CTNNA2: variants seen among roughly 807,000 people sequenced by gnomAD.
CTNNA2 encodes the protein catenin alpha-2.
A neutral mutation model predicts 101.0 loss-of-function variants in CTNNA2; 42 were observed. The ratio of observed to expected loss-of-function variants is 0.42; its 90% CI spans 0.32 to 0.54. The LOEUF (loss-of-function observed/expected upper bound fraction) is 0.54. CTNNA2 is among the 20% of genes least tolerant of loss of function. The pLI is 0.14. For missense variants in CTNNA2, 871 were observed against 1,223.1 expected (o/e 0.71, Z 4.29); for synonymous variants, 450 against 456.4 (o/e 0.99, Z 0.18).
chr2:80,043,040 C>CCTCTTTCTTTCTTTCTTTCT (rs1491166122), intron 7 of CTNNA2, among the ~76,000 whole-genome samples: 2 of 52,742 alleles, frequency 3.8e-5, no homozygotes. Context: ...TCTTTCTTTC[C>CCTCTTTCTTTCTTTCTTTCT]TTCTTTCTTT....
At chr2:79,569,193 A>G (rs577910075) in intron 1 of CTNNA2, among the ~76,000 whole-genome samples, 1 of 152,308 alleles carries the variant, frequency 6.6e-6, no homozygotes, top group Admixed American at 6.5e-5. Context: ...AAGAGAAAGC[A>G]TGATTGTGTT....
Position 80,528,680 on chromosome 2 carries a change from A to T in CTNNA2, c.1291-16302A>T, listed in dbSNP as rs531365603. Among the ~76,000 whole-genome samples, 9 of 152,192 alleles carry T rather than the reference A, an allele frequency of 5.9e-5. No individual in the cohort carries two copies. In the South Asian group the frequency reaches 8.3e-4, roughly 14 times the overall value. On this transcript the variant is annotated intron_variant, in intron 9 of 18. Transcript: ENST00000402739. ...CATAGAAGGTGCAACCCCCACCAAAAAAATAAATAAATAAATAAATAAAAA... is the reference window on the plus strand; with the variant it reads ...CATAGAAGGTGCAACCCCCACCAAATAAATAAATAAATAAATAAATAAAAA...
chr2:79,206,609 G>C (rs1268111172), intron 2 of CTNNA2, among the ~76,000 whole-genome samples: 1 of 152,070 alleles, frequency 6.6e-6, no homozygotes, highest in Non-Finnish European at 1.5e-5. Flanking sequence ...ACTTTGATAT[G>C]AGTGACCATG....
At chr2:79,240,530 G>A (rs1417752183) in intron 2 of CTNNA2, among the ~76,000 whole-genome samples, 2 of 152,086 alleles carry the variant, frequency 1.3e-5, no homozygotes, top group Non-Finnish European at 2.9e-5. Context: ...CATCCATGTT[G>A]CTGTAAAGGA....
chr2:80,101,484 A>C (rs903801768), intron 7 of CTNNA2, among the ~76,000 whole-genome samples: 4 of 152,346 alleles, frequency 2.6e-5, no homozygotes, highest in African/African-American at 9.6e-5. Context: ...TTCTTCTGAA[A>C]CTTTCATTCA....
chr2:79,948,269 C>A (rs1026524855), intron 7 of CTNNA2, among the ~76,000 whole-genome samples: 18 of 152,186 alleles, frequency 1.2e-4, no homozygotes, highest in Non-Finnish European at 2.4e-4. Context: ...TCCATGGTTG[C>A]CGGCTGGTAT....
At chr2:79,965,986 A>C (rs935850699) in intron 7 of CTNNA2, among the ~76,000 whole-genome samples, 3 of 151,962 alleles carry the variant, frequency 2.0e-5, no homozygotes, top group African/African-American at 7.2e-5. Context: ...AGGGGAATAC[A>C]TACGTATATT....
intron 7 of CTNNA2, among the ~76,000 whole-genome samples, chr2:80,209,235 TC>T (rs1174833499): frequency 1.3e-5 from 2 of 151,098 alleles, no homozygotes; most frequent in Non-Finnish European, 2.9e-5. Flanking sequence ...GGAGTCTTGC[TC>T]TGTTGCCCAG....
chr2:79,906,368 C>T (rs762893658), intron 6 of CTNNA2, among the ~76,000 whole-genome samples: 7 of 152,130 alleles, frequency 4.6e-5, no homozygotes, highest in Non-Finnish European at 5.9e-5. Flanking sequence ...CATGCACACA[C>T]TTACACAGGC....
At chr2:80,398,035 A>T (rs1678189808) in intron 8 of CTNNA2, among the ~76,000 whole-genome samples, 1 of 152,184 alleles carries the variant, frequency 6.6e-6, no homozygotes, top group Non-Finnish European at 1.5e-5. Flanking sequence ...GAAAAAACAC[A>T]ACTATAGTAA....
intron 12 of CTNNA2, among the ~76,000 whole-genome samples, chr2:80,558,911 C>T (rs895099142): frequency 6.6e-6 from 1 of 152,142 alleles, no homozygotes; most frequent in Non-Finnish European, 1.5e-5. Flanking sequence ...GTCAGACATG[C>T]TCAACCTCTG....
At chr2:79,382,644 C>T (rs569634744) in intron 4 of CTNNA2, among the ~76,000 whole-genome samples, 8 of 152,098 alleles carry the variant, frequency 5.3e-5, no homozygotes, top group Non-Finnish European at 8.8e-5. Context: ...AGACACTCTT[C>T]GCTCTGTCGC....
intron 3 of CTNNA2, among the ~76,000 whole-genome samples, chr2:79,318,911 C>A (rs1166539202): frequency 6.6e-6 from 1 of 152,312 alleles, no homozygotes; most frequent in African/African-American, 2.4e-5. Context: ...AAAGAAAATG[C>A]TAACCTCTTC....
intron 18 of CTNNA2, among the ~76,000 whole-genome samples, chr2:80,621,562 TCATGTTTTAACTC>T (rs1671122233): frequency 6.6e-6 from 1 of 151,988 alleles, no homozygotes. Context: ...GAAGACCGAT[TCATGTTTTAACTC>T]CATACCTTTG....
rs1674740806 is a variant in CTNNA2, at chr2:79,560,944, C to T, written c.-6+47737C>T. On this transcript the variant is annotated intron_variant, in intron 1 of 18. Coordinates refer to ENST00000402739, the MANE Select transcript of CTNNA2 (RefSeq NM_001282597.3). The stretch of plus-strand genomic sequence containing the variant: ...TACATTTTAATTGAAATATAATTAA[C>T]ATACCATAAAATTCACCCTTTTAAA... Among the ~76,000 whole-genome samples, 4 of 151,956 alleles carry T rather than the reference C, an allele frequency of 2.6e-5. No homozygotes were observed. The South Asian group carries it at 8.3e-4, about 32-fold the overall frequency.
intron 3 of CTNNA2, among the ~76,000 whole-genome samples, chr2:79,336,854 T>G (rs116521357): frequency 9.6e-4 from 146 of 152,248 alleles, no homozygotes; most frequent in African/African-American, 3.4e-3. Context: ...GGCATGGTGG[T>G]GTTGTCTATT....
intron 7 of CTNNA2, among the ~76,000 whole-genome samples, chr2:80,118,921 C>T (rs1558826091): frequency 1.3e-5 from 2 of 152,212 alleles, no homozygotes; most frequent in Admixed American, 6.5e-5. Context: ...ATCCATCTCA[C>T]CTATCTCTTC....
chr2:79,573,117 T>C (rs1296352535), intron 1 of CTNNA2, among the ~76,000 whole-genome samples: 1 of 152,202 alleles, frequency 6.6e-6, no homozygotes, highest in East Asian at 1.9e-4. Flanking sequence ...TGGAAATCTT[T>C]ATCTATTTTT....
At chr2:80,258,556 T>A (rs1178753211) in intron 7 of CTNNA2, among the ~76,000 whole-genome samples, 1 of 152,090 alleles carries the variant, frequency 6.6e-6, no homozygotes, top group African/African-American at 2.4e-5. Context: ...ATAGTCAAGC[T>A]AGGGAATGTT....
Sources: gnomAD v4.1 joint callset for allele counts (sites outside exome capture counted in the v4.1 genomes callset) on GRCh38, gnomAD v4.1.1 for gene constraint, MANE v1.5 for transcripts, NCBI Gene and HGNC (gene_info 2026-07-23, HGNC 2026-07-21) for gene names.